The following MCPH1 variants were observed in gnomAD, a reference collection of about 807,000 sequenced individuals.
MCPH1 encodes the protein microcephalin 1, also known as microcephalin.
A neutral mutation model predicts 84.5 loss-of-function variants in MCPH1; 104 were observed. The ratio of observed to expected loss-of-function variants is 1.23; its 90% CI spans 1.05 to 1.45. The LOEUF is 1.45. MCPH1 is among the 40% of genes most tolerant of loss of function. MCPH1 has a pLI of 0.00. For synonymous variants in MCPH1, 514 were observed against 366.8 expected, an observed-to-expected ratio of 1.40 and a Z score of -4.58; for missense variants, 1,498 against 1,005.7, an observed-to-expected ratio of 1.49 and a Z score of -6.62.
At position 6,455,917 on chromosome 8, in the gene MCPH1, T is replaced by C. The variant is rs190669523; in HGVS notation, c.1935+665T>C. ...GAATGGTAGGGAAAAACCATACCGA[T>C]TGAAAAGCAACAGATGAAAAGAATG... On this transcript the variant is annotated intron_variant, in intron 9 of 13. Coordinates refer to ENST00000344683, the MANE Select transcript of MCPH1 (RefSeq NM_024596.5). Among the ~76,000 whole-genome samples, 258 of 152,266 alleles carry C rather than the reference T, an allele frequency of 1.7e-3. 1 individual carries two copies. The highest frequency in any genetic ancestry group is 3.0e-3 in the Non-Finnish European group (204 of 68,016).
intron 11 of MCPH1, among the ~76,000 whole-genome samples, chr8:6,481,811 G>T (rs938253100): frequency 6.6e-6 from 1 of 152,176 alleles, no homozygotes; most frequent in African/African-American, 2.4e-5. Context: ...TTATATATTA[G>T]TACTGCTTTA....
intron 12 of MCPH1, among the ~76,000 whole-genome samples, chr8:6,589,416 T>A (rs377036025): frequency 3.3e-5 from 5 of 152,186 alleles, no homozygotes; most frequent in East Asian, 1.9e-4. Context: ...GATCTTTGTA[T>A]CCAATGAGTT....
chr8:6,413,264 G>T (rs1209258085), intron 2 of MCPH1, among the ~76,000 whole-genome samples: 2 of 7,812 alleles, frequency 2.6e-4, no homozygotes, highest in Non-Finnish European at 6.9e-3. Context: ...TGATTCAGTT[G>T]TCACTTATTG....
chr8:6,473,770 A>C (rs1300083894), intron 9 of MCPH1: 3 of 854,432 alleles, frequency 3.5e-6, no homozygotes, highest in African/African-American at 1.7e-5. Context: ...CGTTCCTGAT[A>C]CTTAAACAAT....
intron 11 of MCPH1, among the ~76,000 whole-genome samples, chr8:6,491,919 T>C (rs1333494715): frequency 6.6e-6 from 1 of 152,198 alleles, no homozygotes; most frequent in Non-Finnish European, 1.5e-5. Context: ...CTATTGTAAA[T>C]AGTGCCACAG....
At chr8:6,511,226 C>T (rs1490603852) in intron 12 of MCPH1, among the ~76,000 whole-genome samples, 1 of 151,120 alleles carries the variant, frequency 6.6e-6, no homozygotes, top group South Asian at 2.1e-4. Context: ...AAAGTGCTTT[C>T]TTTAAAATTT....
rs1798262051 is a variant in MCPH1 at position 6,647,338 on chromosome 8, G to A, written c.*4289G>A. 6.6e-6 allele frequency: 1 copy of A among 152,156 alleles called. No homozygotes were observed. Among genetic ancestry groups the A allele is most frequent in the Non-Finnish European group, 1.5e-5 (1 of 68,024 alleles). 9.4% of individuals were successfully genotyped at this position (152,156 alleles called of 1,614,324 possible). A position where few individuals can be genotyped will look rare whatever the true frequency, so the allele number is the denominator to read the frequency against. ...TACATTGCTGGCATGAGTGCAAAAT[G>A]ATACAGCCACTTTGAAACACCATTT... On this transcript the variant is annotated 3_prime_UTR_variant, in exon 14 of 14. Transcript: ENST00000344683.
rs1280410222 is a variant in MCPH1, at chr8:6,432,424, G to C, written c.321+838G>C. Among the ~76,000 whole-genome samples, 5 of 152,042 alleles carry C rather than the reference G, an allele frequency of 3.3e-5. No homozygotes were observed. In the East Asian group the frequency reaches 5.8e-4, roughly 18 times the overall value. Reference sequence around the variant, plus strand: ...GCGACTGGTTGAATCCATAGATCTGGAACTTGCAGATACAGAGGGCAAACT... The same window carrying C: ...GCGACTGGTTGAATCCATAGATCTGCAACTTGCAGATACAGAGGGCAAACT... On this transcript the variant is annotated intron_variant, in intron 4 of 13. Transcript: ENST00000344683.
intron 8 of MCPH1, among the ~76,000 whole-genome samples, chr8:6,452,699 C>G (rs1261788170): frequency 6.6e-6 from 1 of 152,226 alleles, no homozygotes; most frequent in Non-Finnish European, 1.5e-5. Context: ...CTGGCTTCCT[C>G]TCTCTCTGCC....
intron 13 of MCPH1, among the ~76,000 whole-genome samples, chr8:6,640,091 T>TGTGTGTGTGTGTGA (rs1259493700): frequency 2.8e-5 from 4 of 144,842 alleles, no homozygotes; most frequent in African/African-American, 1.1e-4. Context: ...TGTGTGTGTG[T>TGTGTGTGTGTGTGA]GTGTGTGCGC....
In MCPH1 at chr8:6,647,003, A is replaced by G. The variant is rs1798245711; in HGVS notation, c.*3954A>G. On this transcript the variant is annotated 3_prime_UTR_variant, in exon 14 of 14. Transcript: ENST00000344683. ...GCTCTTCTGAAGAAACCATTAAAAAAAAATGAAAAGACAAGCCACAGACTA... is the reference window on the plus strand; with the variant it reads ...GCTCTTCTGAAGAAACCATTAAAAAGAAATGAAAAGACAAGCCACAGACTA... 1 of 152,228 alleles carries G rather than the reference A, an allele frequency of 6.6e-6. No individual in the cohort carries two copies. The highest frequency in any genetic ancestry group is 1.9e-4 in the East Asian group (1 of 5,200). The allele number at this position is 152,228 out of a possible 1,614,324, so 9.4% of individuals were successfully genotyped here. A position where few individuals can be genotyped will look rare whatever the true frequency, so the allele number is the denominator to read the frequency against.
intron 2 of MCPH1, among the ~76,000 whole-genome samples, chr8:6,410,326 T>C (rs1462503780): frequency 2.0e-5 from 3 of 151,388 alleles, no homozygotes; most frequent in Non-Finnish European, 1.5e-5. Flanking sequence ...ATTTTAAAGA[T>C]AGAATTTTTA....
chr8:6,501,474 C>A (rs946412654), intron 12 of MCPH1: 16 of 151,418 alleles, frequency 1.1e-4, no homozygotes, highest in African/African-American at 3.9e-4. Context: ...ATGAAAATTT[C>A]AAAAGGAGTT....
chr8:6,509,565 A>G (rs1814528804), intron 12 of MCPH1, among the ~76,000 whole-genome samples: 1 of 152,132 alleles, frequency 6.6e-6, no homozygotes, highest in African/African-American at 2.4e-5. Context: ...CCTTGTGGCT[A>G]CATTTCCTCA....
At chr8:6,596,531 A>T (rs1464414509) in intron 12 of MCPH1, among the ~76,000 whole-genome samples, 6 of 152,118 alleles carry the variant, frequency 3.9e-5, no homozygotes, top group Non-Finnish European at 7.4e-5. Context: ...GCCGTAGGAG[A>T]TGACCCAGCA....
intron 13 of MCPH1, among the ~76,000 whole-genome samples, chr8:6,624,415 CGTAGTGGGCGTCTCCAGT>C (rs1831843378): frequency 1.3e-5 from 2 of 150,916 alleles, no homozygotes; most frequent in South Asian, 2.1e-4. Flanking sequence ...GCGTCTCCAG[CGTAGTGGGCGTCTCCAGT>C]GTAGTGGGCA....
chr8:6,540,336 A>G (rs879358311), intron 12 of MCPH1, among the ~76,000 whole-genome samples: 11 of 152,194 alleles, frequency 7.2e-5, no homozygotes, highest in Non-Finnish European at 1.3e-4. Context: ...TAAAGTGGCT[A>G]TTTCTCATCA....
At position 6,475,779 on chromosome 8, in the gene MCPH1, A is replaced by T. The variant is rs2922817; in HGVS notation, c.1936-1815A>T. On this transcript the variant is annotated intron_variant, in intron 9 of 13. Coordinates refer to ENST00000344683, the MANE Select transcript of MCPH1 (RefSeq NM_024596.5). ...GAGTTTTAGTTGGTGAGTTTAAAACAGGCAGCCATGAGTTTCAGGATCACA... is the reference window on the plus strand; with the variant it reads ...GAGTTTTAGTTGGTGAGTTTAAAACTGGCAGCCATGAGTTTCAGGATCACA... 6.6e-3 allele frequency among the ~76,000 whole-genome samples: 1,009 copies of T among 152,274 alleles called. 12 individuals carry two copies. Among genetic ancestry groups the T allele is most frequent in the African/African-American group, 0.023 (942 of 41,556 alleles).
chr8:6,522,635 G>T (rs1022573688), intron 12 of MCPH1, among the ~76,000 whole-genome samples: 2 of 151,728 alleles, frequency 1.3e-5, no homozygotes, highest in Non-Finnish European at 2.9e-5. Flanking sequence ...TTAGCCAAGC[G>T]TGGGGGTACA....
Sources: allele counts gnomAD v4.1 joint callset (sites outside exome capture counted in the v4.1 genomes callset), GRCh38; gene constraint gnomAD v4.1.1; transcripts MANE v1.5; gene names NCBI Gene and HGNC (gene_info 2026-07-23, HGNC 2026-07-21).